GRIP1: variants seen among roughly 807,000 people sequenced by gnomAD.
GRIP1 encodes glutamate receptor-interacting protein 1.
A neutral mutation model predicts 129.9 loss-of-function variants in GRIP1; 45 were observed. The ratio of observed to expected loss-of-function variants is 0.35; its 90% confidence interval spans 0.27 to 0.44. GRIP1 has a LOEUF of 0.44. GRIP1 is among the 20% of genes least tolerant of loss of function. The pLI is 1.00. For synonymous variants in GRIP1, 530 were observed against 520.8 expected, an observed-to-expected ratio of 1.02 and a Z score of -0.24; for missense variants, 1,196 against 1,396.8, an observed-to-expected ratio of 0.86 and a Z score of 2.29.
chr12:66,848,089 ACAT>A (rs2137070017), intron 1 of GRIP1, among the ~76,000 whole-genome samples: 1 of 152,318 alleles, frequency 6.6e-6, no homozygotes, highest in South Asian at 2.1e-4. Context: ...CGTAATGCTA[ACAT>A]CATATTAAAT....
intron 1 of GRIP1, among the ~76,000 whole-genome samples, chr12:66,615,971 C>T (rs753197873): frequency 3.9e-5 from 6 of 152,204 alleles, no homozygotes; most frequent in South Asian, 2.1e-4. Flanking sequence ...GAATTAACCA[C>T]GATGCCTGCA....
At chr12:66,594,332 G>C (rs1232415781) in intron 2 of GRIP1, among the ~76,000 whole-genome samples, 1 of 152,112 alleles carries the variant, frequency 6.6e-6, no homozygotes, top group African/African-American at 2.4e-5. Flanking sequence ...CACAGGAGAA[G>C]GAGACTAAGA....
intron 5 of GRIP1, 113 bp from the exon 6 acceptor site, chr12:66,518,089 T>C: frequency 1.3e-6 from 1 of 756,680 alleles, no homozygotes; most frequent in South Asian, 1.4e-5. Context: ...GAGGAAAATA[T>C]GTAAAATTTT....
intron 1 of GRIP1, among the ~76,000 whole-genome samples, chr12:66,741,625 C>A (rs955279095): frequency 1.3e-5 from 2 of 152,050 alleles, no homozygotes; most frequent in African/African-American, 4.8e-5. Flanking sequence ...TTATTTAATG[C>A]CAAAAATTTC....
At chr12:66,581,155 C>A (rs1052487574) in intron 2 of GRIP1, among the ~76,000 whole-genome samples, 39 of 152,310 alleles carry the variant, frequency 2.6e-4, no homozygotes, top group African/African-American at 9.1e-4. Flanking sequence ...TGAATGACTA[C>A]TGGGTACATA....
chr12:66,967,157 TG>T (rs2042009822), intron 1 of GRIP1, among the ~76,000 whole-genome samples: 1 of 152,182 alleles, frequency 6.6e-6, no homozygotes, highest in African/African-American at 2.4e-5. Flanking sequence ...CACAATTTTT[TG>T]TGTTTGTTTT....
Position 66,444,642 on chromosome 12 carries a change from G to T in GRIP1, c.1629C>A (p.Leu543=). ...EDSTFEEASQ[L]LRDSSITSKV... is the part of the protein sequence containing the mutation. ...TGCTCGTGATTGAAGAGTCTCGGAG[G>T]AGCTGACTGGCTTCTTCGAAGGTGC... The change falls in exon 13 of 25, where the codon CTC becomes CTA. Residue 543 remains leucine (L), a synonymous_variant. Coordinates refer to ENST00000359742, the MANE Select transcript of GRIP1 (RefSeq NM_001366722.1). 1 of 1,613,938 alleles carries T rather than the reference G, an allele frequency of 6.2e-7. No individual in the cohort carries two copies.
chr12:66,911,294 T>C (rs1008221327), intron 1 of GRIP1, among the ~76,000 whole-genome samples: 7 of 152,304 alleles, frequency 4.6e-5, no homozygotes, highest in East Asian at 1.9e-4. Flanking sequence ...TTAACACTTA[T>C]AACTCTTAGA....
intron 1 of GRIP1, among the ~76,000 whole-genome samples, chr12:66,609,929 A>G (rs887372546): frequency 2.0e-5 from 3 of 152,132 alleles, no homozygotes; most frequent in African/African-American, 7.2e-5. Flanking sequence ...TATTAGTAAT[A>G]ATACCTTAGA....
At chr12:67,051,935 C>T (rs1031183324) in intron 1 of GRIP1, among the ~76,000 whole-genome samples, 3 of 152,116 alleles carry the variant, frequency 2.0e-5, no homozygotes, top group African/African-American at 7.2e-5. Flanking sequence ...CCTCACATTG[C>T]ACAAAGCTAT....
chr12:66,914,504 G>C (rs1482649144), intron 1 of GRIP1, among the ~76,000 whole-genome samples: 3 of 152,186 alleles, frequency 2.0e-5, no homozygotes, highest in Non-Finnish European at 2.9e-5. Context: ...TAGCACATCA[G>C]TAATGACTAC....
intron 2 of GRIP1, among the ~76,000 whole-genome samples, chr12:66,555,776 G>T (rs573856211): frequency 6.6e-6 from 1 of 151,912 alleles, no homozygotes; most frequent in Non-Finnish European, 1.5e-5. Flanking sequence ...TGCAATTGAC[G>T]TACTAAAGAA....
chr12:66,355,503 G>T (rs547799777), intron 23 of GRIP1, among the ~76,000 whole-genome samples: 1 of 152,238 alleles, frequency 6.6e-6, no homozygotes, highest in Non-Finnish European at 1.5e-5. Context: ...ACTACATAAA[G>T]GGTGTGTGGG....
chr12:66,469,214 C>A (rs2059370145), intron 7 of GRIP1, among the ~76,000 whole-genome samples: 1 of 152,178 alleles, frequency 6.6e-6, no homozygotes, highest in South Asian at 2.1e-4. Flanking sequence ...TCATTTTCTT[C>A]ACTTGTAAAA....
intron 7 of GRIP1, among the ~76,000 whole-genome samples, chr12:66,493,176 A>G (rs548103212): frequency 2.2e-4 from 34 of 152,290 alleles, no homozygotes; most frequent in Non-Finnish European, 3.1e-4. Context: ...GGGCATTTTA[A>G]ATGCTCTGTA....
chr12:66,872,235 CCTAA>C (rs1242579236), intron 1 of GRIP1, among the ~76,000 whole-genome samples: 1 of 151,964 alleles, frequency 6.6e-6, no homozygotes, highest in Non-Finnish European at 1.5e-5. Context: ...TAGGGGGAGT[CCTAA>C]CTATTTTGCT....
chr12:67,008,291 T>C (rs2042656732), intron 1 of GRIP1, among the ~76,000 whole-genome samples: 1 of 152,154 alleles, frequency 6.6e-6, no homozygotes, highest in Non-Finnish European at 1.5e-5. Context: ...AAAGAAAATA[T>C]GCAGAAATAG....
At chr12:66,502,988 C>A (rs1270336344) in intron 7 of GRIP1, among the ~76,000 whole-genome samples, 1 of 152,128 alleles carries the variant, frequency 6.6e-6, no homozygotes, top group Non-Finnish European at 1.5e-5. Flanking sequence ...CTGCTCCCCA[C>A]CTACGAGGAA....
At chr12:66,474,857 C>G (rs1167066526) in intron 7 of GRIP1, among the ~76,000 whole-genome samples, 2 of 152,150 alleles carry the variant, frequency 1.3e-5, no homozygotes, top group African/African-American at 4.8e-5. Flanking sequence ...ACAACCGGTC[C>G]CAGCCACTGC....
Sources: allele counts gnomAD v4.1 joint callset (sites outside exome capture counted in the v4.1 genomes callset), GRCh38; gene constraint gnomAD v4.1.1; transcripts MANE v1.5; gene names NCBI Gene and HGNC (gene_info 2026-07-23, HGNC 2026-07-21).